The following ANO2 variants were observed in gnomAD, a reference collection of about 807,000 sequenced individuals.
The protein encoded by ANO2 is anoctamin 2, also known as anoctamin-2.
Under a neutral mutation model 124.2 loss-of-function variants are expected in ANO2, and 101 were observed. The ratio of observed to expected loss-of-function variants is 0.81; its 90% CI spans 0.69 to 0.96. ANO2 has a LOEUF of 0.96. Among genes scored for constraint, ANO2 ranks in the 40% least tolerant of loss-of-function variants. ANO2 has a pLI of 0.00. For missense variants in ANO2, 1,293 were observed against 1,274.5 expected, an observed-to-expected ratio of 1.01 and a Z score of -0.22; for synonymous variants, 486 against 482.5, an observed-to-expected ratio of 1.01 and a Z score of -0.09.
At chr12:5,617,308 T>A (rs1944867000) in intron 16 of ANO2, among the ~76,000 whole-genome samples, 1 of 151,782 alleles carries the variant, frequency 6.6e-6, no homozygotes, top group Admixed American at 6.6e-5. Flanking sequence ...ACTCTCCAGA[T>A]AACACTGTAT....
chr12:5,684,900 T>C (rs897719384), intron 14 of ANO2, among the ~76,000 whole-genome samples: 3 of 152,198 alleles, frequency 2.0e-5, no homozygotes, highest in African/African-American at 7.2e-5. Context: ...GCTCTACTGC[T>C]TATTAGCCTG....
chr12:5,849,477 C>T (rs778306381), intron 4 of ANO2, among the ~76,000 whole-genome samples: 9 of 152,206 alleles, frequency 5.9e-5, no homozygotes, highest in African/African-American at 2.4e-5. Flanking sequence ...GCTTCCATAC[C>T]GCCATTTCAA....
In ANO2 at chr12:5,735,689, A is replaced by G. The variant is rs184753519; in HGVS notation, c.1435-3059T>C. Among the ~76,000 whole-genome samples the G allele has an allele frequency of 2.8e-3, 428 of 152,324 alleles. 1 individual carries two copies. The highest frequency in any genetic ancestry group is 9.9e-3 in the African/African-American group (412 of 41,574). On this transcript the variant is annotated intron_variant, in intron 13 of 24. Coordinates refer to ENST00000682330, the MANE Select transcript of ANO2 (RefSeq NM_001364791.2). ...ACTGAGACACAAAAGCCGAGAAGAC[A>G]GGCCTTGCAGAGTCTGGGGGAAAAG...
chr12:5,657,693 T>A (rs1180821668), intron 14 of ANO2, among the ~76,000 whole-genome samples: 1 of 152,098 alleles, frequency 6.6e-6, no homozygotes, highest in Non-Finnish European at 1.5e-5. Flanking sequence ...GTTAATGAGC[T>A]TTATGCATTT....
rs118117044 is a variant in ANO2 at position 5,743,708 on chromosome 12, G to A, written c.1351+449C>T. On this transcript the variant is annotated intron_variant, in intron 12 of 24. Coordinates refer to ENST00000682330, the MANE Select transcript of ANO2 (RefSeq NM_001364791.2). Reference sequence around the variant, plus strand: ...CTACACTCATGATGCCCTAACAATCGCACTGAACAGGAGTCAGGAGACCAA... The same window carrying A: ...CTACACTCATGATGCCCTAACAATCACACTGAACAGGAGTCAGGAGACCAA... Among the ~76,000 whole-genome samples, 46 of 152,274 alleles carry A rather than the reference G, an allele frequency of 3.0e-4. No individual in the cohort carries two copies. The East Asian group carries it at 7.3e-3, about 24-fold the overall frequency.
intron 20 of ANO2, among the ~76,000 whole-genome samples, chr12:5,580,656 GA>G (rs1241549950): frequency 2.0e-5 from 3 of 152,128 alleles, no homozygotes; most frequent in African/African-American, 4.8e-5. Context: ...ACACAAATGG[GA>G]AAAAAATTCT....
intron 7 of ANO2, among the ~76,000 whole-genome samples, chr12:5,811,499 G>A (rs988455232): frequency 6.6e-6 from 1 of 152,118 alleles, no homozygotes; most frequent in African/African-American, 2.4e-5. Context: ...GGGAGGGGAG[G>A]TTCCCAAAGA....
chr12:5,635,341 G>C lies in ANO2; in HGVS notation c.1627C>G (p.Leu543Val). ...ACCCCAAAGACGATTGAGAATGTCA[G>C]GGCAATCTGTTTGGGAAAACAGAGA... ...NFASILFMIALTFSIVFGVIV... is the reference protein window; with the variant it reads ...NFASILFMIAVTFSIVFGVIV... The change falls in exon 16 of 25, where the codon CTG becomes GTG. Residue 543 changes from leucine (L) to valine (V), a missense_variant. By Grantham distance (32) the Leu-to-Val change is conservative. Coordinates refer to ENST00000682330, the MANE Select transcript of ANO2 (RefSeq NM_001364791.2). The surrounding 1 kb of genome is among the most constrained non-coding windows in gnomAD (Gnocchi z 5.2). 6.4e-7 allele frequency: 1 copy of C among 1,563,242 alleles called. No individual in the cohort carries two copies. Among genetic ancestry groups the C allele is most frequent in the South Asian group, 1.2e-5 (1 of 82,208 alleles).
At chr12:5,673,782 C>G (rs1948115835) in intron 14 of ANO2, among the ~76,000 whole-genome samples, 1 of 152,216 alleles carries the variant, frequency 6.6e-6, no homozygotes, top group South Asian at 2.1e-4. Context: ...GCCAGAGAAG[C>G]AGAAACAACA....
At chr12:5,926,676 G>A (rs959099697) in intron 1 of ANO2, among the ~76,000 whole-genome samples, 2 of 152,170 alleles carry the variant, frequency 1.3e-5, no homozygotes, top group African/African-American at 2.4e-5. Flanking sequence ...TCAAAAAGCT[G>A]CTAATCAAGG....
intron 3 of ANO2, among the ~76,000 whole-genome samples, chr12:5,898,150 C>T (rs887180950): frequency 2.6e-5 from 4 of 152,058 alleles, no homozygotes; most frequent in African/African-American, 9.7e-5. Context: ...AGGTTTTTAT[C>T]TCATTAGCAG....
chr12:5,684,380 C>T (rs1385112740), intron 14 of ANO2, among the ~76,000 whole-genome samples: 1 of 152,208 alleles, frequency 6.6e-6, no homozygotes, highest in East Asian at 1.9e-4. Flanking sequence ...AAGGTCTCTG[C>T]CATGGAGAAG....
chr12:5,657,386 G>C (rs1452584640), intron 14 of ANO2, among the ~76,000 whole-genome samples: 1 of 152,208 alleles, frequency 6.6e-6, no homozygotes, highest in Non-Finnish European at 1.5e-5. Flanking sequence ...GATATGGCTG[G>C]CTTGAGGAGA....
rs768144503 is a variant in ANO2 at position 5,599,513 on chromosome 12, G to C, written c.2204C>G (p.Thr735Arg). The C allele has an allele frequency of 1.2e-6, 2 of 1,612,526 alleles. No homozygotes were observed. Among genetic ancestry groups the C allele is most frequent in the Non-Finnish European group, 1.7e-6 (2 of 1,179,570 alleles). Reference protein sequence around the residue: ...WDLDYSLEPYTGLTPEYMEMI... With the variant: ...WDLDYSLEPYRGLTPEYMEMI... ...TTCCATGTACTCCGGAGTCAGTCCT[G>C]TGTATGGTTCCAAGCTGTAGTCTAG... is the stretch of plus-strand genomic sequence containing the variant. The change falls in exon 20 of 25, where the codon ACA becomes AGA. Residue 735 changes from threonine to arginine, a missense_variant. By Grantham distance (71) the Thr-to-Arg change is moderately conservative (BLOSUM62 -1). Coordinates refer to ENST00000682330, the MANE Select transcript of ANO2 (RefSeq NM_001364791.2).
At chr12:5,638,029 C>T (rs1946113696) in intron 15 of ANO2, among the ~76,000 whole-genome samples, 2 of 152,058 alleles carry the variant, frequency 1.3e-5, no homozygotes, top group Non-Finnish European at 2.9e-5. Context: ...AAAATCTTAG[C>T]ATTTAGGAAT....
chr12:5,631,009 T>C (rs1023029105), intron 16 of ANO2, among the ~76,000 whole-genome samples: 1 of 152,168 alleles, frequency 6.6e-6, no homozygotes, highest in African/African-American at 2.4e-5. Flanking sequence ...CCCCCATCAG[T>C]CTGGGTCCCT....
rs571744674 is a variant in ANO2, at chr12:5,820,044, G to A, written c.892+7725C>T. 1.1e-4 allele frequency among the ~76,000 whole-genome samples: 16 copies of A among 152,300 alleles called. 1 individual carries two copies. The South Asian group carries it at 3.3e-3, about 32-fold the overall frequency. On this transcript the variant is annotated intron_variant, in intron 7 of 24. Coordinates refer to ENST00000682330, the MANE Select transcript of ANO2 (RefSeq NM_001364791.2). Reference sequence around the variant, plus strand: ...ATTTATATAAGCAGAAAACTTCTAGGTCAAATGGACAAAAGACTAATTTGA... The same window carrying A: ...ATTTATATAAGCAGAAAACTTCTAGATCAAATGGACAAAAGACTAATTTGA...
intron 23 of ANO2, among the ~76,000 whole-genome samples, chr12:5,572,847 G>C (rs963678504): frequency 3.1e-4 from 47 of 152,184 alleles, no homozygotes; most frequent in African/African-American, 1.0e-3. Context: ...CTGCCACTCG[G>C]TGTCAGATTT....
chr12:5,760,621 C>T, intron 10 of ANO2, among the ~76,000 whole-genome samples: 1 of 152,046 alleles, frequency 6.6e-6, no homozygotes, highest in East Asian at 1.9e-4. Flanking sequence ...CCAAATTACA[C>T]ATCCACTATA....
Sources: gnomAD v4.1 joint callset for allele counts (sites outside exome capture counted in the v4.1 genomes callset) on GRCh38, gnomAD v4.1.1 for gene constraint, Gnocchi (gnomAD v3.1) non-coding constraint, MANE v1.5 for transcripts, NCBI Gene and HGNC (gene_info 2026-07-23, HGNC 2026-07-21) for gene names.